The following KANSL1L variants were observed in gnomAD, a reference collection of about 807,000 sequenced individuals.
KANSL1L encodes the protein KAT8 regulatory NSL complex subunit 1-like protein.
In KANSL1L, 25 loss-of-function variants were observed where a neutral mutation model predicts 108.6. The ratio of observed to expected loss-of-function variants is 0.23; its 90% CI spans 0.17 to 0.32. The LOEUF (loss-of-function observed/expected upper bound fraction) is 0.32, where lower values mean the gene tolerates loss of function less well. KANSL1L is among the 10% of genes least tolerant of loss of function. KANSL1L has a pLI of 1.00. For synonymous variants in KANSL1L, 405 were observed against 395.1 expected (o/e 1.03, Z -0.30); for missense variants, 1,137 against 1,125.7 (o/e 1.01, Z -0.14).
At position 210,154,300 on chromosome 2, in the gene KANSL1L, T is replaced by A. The variant is rs369672160; in HGVS notation, c.283A>T (p.Asn95Tyr). 4 of 1,613,084 alleles carry A rather than the reference T, an allele frequency of 2.5e-6. No individual in the cohort carries two copies. Among genetic ancestry groups the A allele is most frequent in the Non-Finnish European group, 3.4e-6 (4 of 1,179,364 alleles). The change falls in exon 2 of 15, where the codon AAT becomes TAT. Residue 95 changes from asparagine to tyrosine, a missense_variant. Physicochemically the swap from Asn to Tyr is moderately radical, Grantham distance 143. Coordinates refer to ENST00000281772, the MANE Select transcript of KANSL1L (RefSeq NM_152519.4). ...SNSTLNKHNE[N>Y]YKQKKLGEPS... ...TCCCCTAATTTCTTTTGTTTATAAT[T>A]CTCATTGTGTTTATTTAATGTAGAA...
At chr2:210,048,787 T>C (rs1336331932) in intron 6 of KANSL1L, among the ~76,000 whole-genome samples, 1 of 152,134 alleles carries the variant, frequency 6.6e-6, no homozygotes, top group Non-Finnish European at 1.5e-5. Context: ...CATGGGACAT[T>C]TGGAAGCTTC....
At chr2:210,098,024 TC>T in intron 5 of KANSL1L, 61 bp downstream of exon 5, 1 of 1,447,640 alleles carries the variant, frequency 6.9e-7, no homozygotes, top group East Asian at 2.4e-5. Context: ...CAAAACAAAA[TC>T]AAAATAAGAT....
chr2:210,101,664 G>A (rs1234315092), intron 4 of KANSL1L, among the ~76,000 whole-genome samples: 1 of 152,142 alleles, frequency 6.6e-6, no homozygotes, highest in Non-Finnish European at 1.5e-5. Flanking sequence ...TGCTTATATG[G>A]TCAAGTGCAT....
At chr2:210,110,777 G>T (rs1482256461) in intron 3 of KANSL1L, among the ~76,000 whole-genome samples, 1 of 152,140 alleles carries the variant, frequency 6.6e-6, no homozygotes, top group Non-Finnish European at 1.5e-5. Context: ...TGCTAGACTT[G>T]AAGAAAGATG....
intron 6 of KANSL1L, among the ~76,000 whole-genome samples, chr2:210,059,343 G>A (rs903929418): frequency 5.3e-5 from 8 of 152,196 alleles, no homozygotes; most frequent in Non-Finnish European, 1.0e-4. Flanking sequence ...ACTTCCGCCA[G>A]CACAGCTGGC....
At chr2:210,135,836 T>C (rs1217482070) in intron 2 of KANSL1L, among the ~76,000 whole-genome samples, 1 of 152,152 alleles carries the variant, frequency 6.6e-6, no homozygotes, top group African/African-American at 2.4e-5. Flanking sequence ...ATTAGGATCA[T>C]TTGGGCTAAC....
chr2:210,022,853 C>T lies in KANSL1L; in HGVS notation c.*96G>A. On this transcript the variant is annotated 3_prime_UTR_variant, in exon 15 of 15. Transcript: ENST00000281772. ...GCATAAAAGATTAATACATGCAGAA[C>T]ATGCTCTTATTCTGGAGGGGATGGG... 8.7e-6 allele frequency: 7 copies of T among 803,670 alleles called. No homozygotes were observed. Among genetic ancestry groups the T allele is most frequent in the South Asian group, 6.7e-5 (4 of 60,038 alleles). 49.8% of individuals were successfully genotyped at this position (803,670 alleles called of 1,614,324 possible). A position where few individuals can be genotyped will look rare whatever the true frequency, so the allele number is the denominator to read the frequency against.
At position 210,044,863 on chromosome 2, in the gene KANSL1L, G is replaced by A. The variant is rs555464697; in HGVS notation, c.1756-759C>T. Among the ~76,000 whole-genome samples, 13 of 152,134 alleles carry A rather than the reference G, an allele frequency of 8.5e-5. No individual in the cohort carries two copies. In the South Asian group the frequency reaches 2.3e-3, roughly 27 times the overall value. On this transcript the variant is annotated intron_variant, in intron 6 of 14. Transcript: ENST00000281772. This position sits in a 1 kb window ranked among gnomAD's most constrained non-coding sequence, Gnocchi z 4.2. ...CGGCTCACTGCAACTTCTGCCTCCC[G>A]GGTTCAAGCGATTCTCCTGCCTCAG...
chr2:210,120,683 A>AT (rs2095008140), intron 3 of KANSL1L, among the ~76,000 whole-genome samples: 1 of 152,238 alleles, frequency 6.6e-6, no homozygotes, highest in African/African-American at 2.4e-5. Context: ...GCACAGAGAA[A>AT]GAAACTATCA....
intron 6 of KANSL1L, among the ~76,000 whole-genome samples, chr2:210,070,750 G>T (rs933198272): frequency 6.6e-6 from 1 of 152,114 alleles, no homozygotes; most frequent in Non-Finnish European, 1.5e-5. Context: ...CAGCAGGATT[G>T]GTTTCTTTTA....
At chr2:210,123,832 G>T (rs2095042732) in intron 3 of KANSL1L, among the ~76,000 whole-genome samples, 1 of 147,174 alleles carries the variant, frequency 6.8e-6, no homozygotes, top group Admixed American at 6.8e-5. Context: ...TATTTTTTAA[G>T]TTAAAAAAAA....
At chr2:210,151,390 A>C (rs763728471) in intron 2 of KANSL1L, 6 of 152,216 alleles carry the variant, frequency 3.9e-5, no homozygotes, top group Admixed American at 1.3e-4. Flanking sequence ...TCAACAACAA[A>C]AAAATTTACT....
chr2:210,096,853 T>C, intron 5 of KANSL1L: 1 of 795,946 alleles, frequency 1.3e-6, no homozygotes, highest in Non-Finnish European at 1.5e-6. Flanking sequence ...TAACTCAACA[T>C]AAATAAAATA....
rs150590378 is a variant in KANSL1L, at chr2:210,075,635, T to C, written c.1672A>G (p.Thr558Ala). The C allele has an allele frequency of 9.3e-6, 15 of 1,614,004 alleles. No homozygotes were observed. The African/African-American group carries it at 1.2e-4, about 13-fold the overall frequency. ...LKSSSLTFMS[T>A]SARTRPLQSF... is the part of the protein sequence containing the mutation. Reference sequence around the variant, plus strand: ...TGAAGTGGCCTTGTTCGGGCTGATGTACTCATGAAAGTCAAGGATGAAGAT... The same window carrying C: ...TGAAGTGGCCTTGTTCGGGCTGATGCACTCATGAAAGTCAAGGATGAAGAT... Residue 558 changes from threonine (T) to alanine (A), a missense_variant, in exon 6 of 15, where the codon ACA becomes GCA. Thr to Ala is a moderately conservative substitution (Grantham distance 58). This residue lies in a region of KANSL1L where 575 missense variants were observed against 567.1 expected (regional missense o/e 1.01). Transcript: ENST00000281772.
rs187269893 is a variant in KANSL1L at position 210,138,353 on chromosome 2, A to G, written c.1089-9181T>C. 1.1e-4 allele frequency among the ~76,000 whole-genome samples: 16 copies of G among 152,160 alleles called. No homozygotes were observed. In the East Asian group the frequency reaches 3.1e-3, roughly 29 times the overall value. ...GGGGGTGGGTAAGGGTTGAAAAGCT[A>G]ACTATTGTATATTATGCTCACTACC... On this transcript the variant is annotated intron_variant, in intron 2 of 14. Coordinates refer to ENST00000281772, the MANE Select transcript of KANSL1L (RefSeq NM_152519.4).
At chr2:210,152,137 C>T (rs1325707275) in intron 2 of KANSL1L, 2 of 152,134 alleles carry the variant, frequency 1.3e-5, no homozygotes, top group Admixed American at 1.3e-4. Context: ...CCACCCTGCA[C>T]CCTTTAAAAA....
At chr2:210,159,253 T>C (rs1404545603) in intron 1 of KANSL1L, among the ~76,000 whole-genome samples, 2 of 152,222 alleles carry the variant, frequency 1.3e-5, no homozygotes, top group South Asian at 2.1e-4. Context: ...GCAAGTCTCT[T>C]GACACAGTGA....
rs888658923 is a variant in KANSL1L, at chr2:210,160,795, A to G, written c.-29-6184T>C. Among the ~76,000 whole-genome samples the G allele has an allele frequency of 2.0e-5, 3 of 152,208 alleles. No homozygotes were observed. The East Asian group carries it at 5.8e-4, about 29-fold the overall frequency. On this transcript the variant is annotated intron_variant, in intron 1 of 14. Transcript: ENST00000281772. ...GCAGGACATTTTGCTGATATCTACAAGCTAATTCAAAGATTTATATGAAAG... is the reference window on the plus strand; with the variant it reads ...GCAGGACATTTTGCTGATATCTACAGGCTAATTCAAAGATTTATATGAAAG...
intron 2 of KANSL1L, among the ~76,000 whole-genome samples, chr2:210,133,991 T>A (rs1159700031): frequency 3.9e-5 from 6 of 152,134 alleles, no homozygotes; most frequent in African/African-American, 1.4e-4. Context: ...TATTTTTGCT[T>A]ATCTGGAAAT....
Sources: gnomAD v4.1 joint callset for allele counts (sites outside exome capture counted in the v4.1 genomes callset) on GRCh38, gnomAD v4.1.1 for gene constraint, gnomAD v4.1.1 regional missense constraint, Gnocchi (gnomAD v3.1) non-coding constraint, MANE v1.5 for transcripts, NCBI Gene and HGNC (gene_info 2026-07-23, HGNC 2026-07-21) for gene names.